COL4A2: variants seen among roughly 807,000 people sequenced by gnomAD.
COL4A2 encodes the protein collagen alpha-2(IV) chain.
COL4A2 carries 99 observed loss-of-function variants against 200.2 expected under a neutral mutation model. The observed-to-expected ratio is 0.49, with a 90% CI of 0.42 to 0.58. The LOEUF is 0.58. Among genes scored for constraint, COL4A2 ranks in the 20% least tolerant of loss-of-function variants. The pLI, the probability that COL4A2 is intolerant of heterozygous loss-of-function variation, is 0.00. For missense variants in COL4A2, 1,950 were observed against 2,314.1 expected, an observed-to-expected ratio of 0.84 and a Z score of 3.23; for synonymous variants, 897 against 900.6, an observed-to-expected ratio of 1.00 and a Z score of 0.07.
At chr13:110,504,607 CT>C (rs890459106) in intron 45 of COL4A2, among the ~76,000 whole-genome samples, 1 of 152,050 alleles carries the variant, frequency 6.6e-6, no homozygotes, top group Non-Finnish European at 1.5e-5. Context: ...CCCTGTCTTA[CT>C]TTTTTTTCTT....
chr13:110,480,958 C>T lies in COL4A2; in HGVS notation c.2758+568C>T, dbSNP rs35952935. Among the ~76,000 whole-genome samples the T allele has an allele frequency of 3.1e-3, 362 of 118,270 alleles. 4 individuals are homozygous for T. The highest frequency in any genetic ancestry group is 0.016 in the Middle Eastern group (3 of 190). 77.6% of individuals were successfully genotyped at this position (118,270 alleles called of 152,430 possible). ...TTGCTGGAGACACACTGTTCTGTCC[C>T]TCCGTTGCTGGAGACACACAGTTCT... On this transcript the variant is annotated intron_variant, in intron 31 of 47. Transcript: ENST00000360467.
intron 4 of COL4A2, among the ~76,000 whole-genome samples, chr13:110,395,001 A>AGCACGTCT (rs1465859577): frequency 1.9e-4 from 28 of 147,880 alleles, no homozygotes; most frequent in African/African-American, 6.8e-4. Flanking sequence ...GATAGGGTGC[A>AGCACGTCT]GCACGTCTCC....
chr13:110,496,392 C>A (rs1458764753), intron 40 of COL4A2, among the ~76,000 whole-genome samples: 1 of 152,214 alleles, frequency 6.6e-6, no homozygotes, highest in East Asian at 1.9e-4. Flanking sequence ...CTCCAGAATC[C>A]CCTAGCCTCA....
At chr13:110,368,442 C>A (rs1421974816) in intron 4 of COL4A2, among the ~76,000 whole-genome samples, 2 of 152,220 alleles carry the variant, frequency 1.3e-5, no homozygotes, top group African/African-American at 4.8e-5. Context: ...CTTCATTTCA[C>A]AGCTTCACTA....
chr13:110,347,347 T>C (rs1876751763), intron 3 of COL4A2, among the ~76,000 whole-genome samples: 1 of 152,214 alleles, frequency 6.6e-6, no homozygotes, highest in Admixed American at 6.5e-5. Flanking sequence ...CTCGGGGGGC[T>C]GAGTTACATC....
At chr13:110,465,739 G>T in intron 25 of COL4A2, 133 bp downstream of exon 25, 1 of 931,818 alleles carries the variant, frequency 1.1e-6, no homozygotes, top group South Asian at 1.8e-5. Flanking sequence ...ACGTACAAGG[G>T]ATGACCCAAC....
At chr13:110,330,413 G>A (rs562585062) in intron 3 of COL4A2, among the ~76,000 whole-genome samples, 2 of 152,236 alleles carry the variant, frequency 1.3e-5, no homozygotes, top group South Asian at 4.2e-4. Flanking sequence ...GAGGCGGGGG[G>A]GCAGCCCCAA....
At chr13:110,497,709 G>T (rs992990914) in intron 40 of COL4A2, among the ~76,000 whole-genome samples, 2 of 151,406 alleles carry the variant, frequency 1.3e-5, no homozygotes, top group Non-Finnish European at 2.9e-5. Context: ...CAGGGCTGAG[G>T]ATCTAGGTCA....
chr13:110,403,686 C>T (rs1438785110), intron 4 of COL4A2, among the ~76,000 whole-genome samples: 1 of 152,172 alleles, frequency 6.6e-6, no homozygotes, highest in Admixed American at 6.5e-5. Context: ...TTTTTTCTAG[C>T]ATGCACCTCC....
intron 3 of COL4A2, among the ~76,000 whole-genome samples, chr13:110,348,229 G>A (rs1218830856): frequency 1.3e-5 from 2 of 152,222 alleles, no homozygotes; most frequent in Non-Finnish European, 2.9e-5. Flanking sequence ...ATTGTACGTG[G>A]GGGAGCGCCC....
chr13:110,342,808 C>T (rs1019503833), intron 3 of COL4A2, among the ~76,000 whole-genome samples: 2 of 152,170 alleles, frequency 1.3e-5, no homozygotes, highest in Non-Finnish European at 2.9e-5. Context: ...GACCCGCACA[C>T]CCGACTGGAA....
At chr13:110,341,551 G>GTT in intron 3 of COL4A2, among the ~76,000 whole-genome samples, 1 of 152,328 alleles carries the variant, frequency 6.6e-6, no homozygotes, top group South Asian at 2.1e-4. Flanking sequence ...GCTAGAGGAC[G>GTT]TTTTCTGGGG....
chr13:110,354,916 C>T (rs1877125921), intron 3 of COL4A2, among the ~76,000 whole-genome samples: 1 of 152,170 alleles, frequency 6.6e-6, no homozygotes, highest in African/African-American at 2.4e-5. Context: ...CCTGGCCATG[C>T]CACTTGCACC....
chr13:110,333,576 A>G (rs1398262013), intron 3 of COL4A2, among the ~76,000 whole-genome samples: 1 of 152,134 alleles, frequency 6.6e-6, no homozygotes, highest in Non-Finnish European at 1.5e-5. Flanking sequence ...TAACTTACCT[A>G]AGATGGGTTA....
chr13:110,339,803 G>A (rs957086234), intron 3 of COL4A2, among the ~76,000 whole-genome samples: 17 of 152,188 alleles, frequency 1.1e-4, no homozygotes, highest in African/African-American at 3.6e-4. Flanking sequence ...GCTCGGTGCC[G>A]AGGAGTTGCT....
At chr13:110,397,658 G>A (rs954302137) in intron 4 of COL4A2, among the ~76,000 whole-genome samples, 1 of 152,192 alleles carries the variant, frequency 6.6e-6, no homozygotes, top group African/African-American at 2.4e-5. Context: ...AATGGATCAT[G>A]TGGACCACGC....
chr13:110,419,766 G>A (rs941928350), intron 4 of COL4A2, among the ~76,000 whole-genome samples: 4 of 152,170 alleles, frequency 2.6e-5, no homozygotes, highest in African/African-American at 4.8e-5. Flanking sequence ...CAGCCCCCGC[G>A]CCCCGTCCTC....
intron 30 of COL4A2, among the ~76,000 whole-genome samples, chr13:110,479,527 T>G (rs1219423234): frequency 4.2e-5 from 1 of 23,644 alleles, no homozygotes. Context: ...GAGCCTGATT[T>G]GAGGGGGCTG....
chr13:110,397,422 A>T (rs1469181262), intron 4 of COL4A2, among the ~76,000 whole-genome samples: 1 of 152,250 alleles, frequency 6.6e-6, no homozygotes, highest in East Asian at 1.9e-4. Flanking sequence ...AGTAAGCCGT[A>T]TGAGCACTTT....
Sources: gnomAD v4.1 joint callset for allele counts (sites outside exome capture counted in the v4.1 genomes callset) on GRCh38, gnomAD v4.1.1 for gene constraint, MANE v1.5 for transcripts, NCBI Gene and HGNC (gene_info 2026-07-23, HGNC 2026-07-21) for gene names.